The following POM121 variants were observed in gnomAD, a reference collection of about 807,000 sequenced individuals.
The protein encoded by POM121 is POM121 transmembrane nucleoporin, also known as nuclear envelope pore membrane protein POM 121.
Under a neutral mutation model 81.3 loss-of-function variants are expected in POM121, and 32 were observed. That is an observed-to-expected ratio of 0.39 (90% CI 0.30 to 0.53). The LOEUF is 0.53. Ranked by LOEUF, POM121 falls within the 20% of genes least tolerant of loss-of-function variation. The pLI, the probability that POM121 is intolerant of heterozygous loss-of-function variation, is 0.66. For missense variants in POM121, 1,138 were observed against 1,614.6 expected, an observed-to-expected ratio of 0.70 and a Z score of 5.06; for synonymous variants, 514 against 694.2, an observed-to-expected ratio of 0.74 and a Z score of 4.08.
At chr7:72,903,163 T>C (rs1330720541) in intron 3 of POM121, among the ~76,000 whole-genome samples, 2 of 152,068 alleles carry the variant, frequency 1.3e-5, no homozygotes, top group African/African-American at 4.8e-5. Context: ...AGGCCAGGCA[T>C]AGTGCCTCAC....
At chr7:72,915,726 G>T (rs2129576693) in intron 4 of POM121, among the ~76,000 whole-genome samples, 1 of 152,260 alleles carries the variant, frequency 6.6e-6, no homozygotes, top group South Asian at 2.1e-4. Context: ...AGGCTGGAGT[G>T]CAGTGGCGTG....
chr7:72,903,758 G>A (rs1554493031), intron 3 of POM121, among the ~76,000 whole-genome samples: 1 of 152,176 alleles, frequency 6.6e-6, no homozygotes, highest in African/African-American at 2.4e-5. Context: ...GTCCTTCAGG[G>A]CTTAGCCAGT....
intron 1 of POM121, among the ~76,000 whole-genome samples, chr7:72,887,049 A>T (rs1455534230): frequency 4.6e-5 from 7 of 151,504 alleles, no homozygotes; most frequent in Non-Finnish European, 5.9e-5. Context: ...CCCACAACAC[A>T]CTGTTGCTCT....
At chr7:72,883,894 C>T (rs1174694319) in intron 1 of POM121, among the ~76,000 whole-genome samples, 4 of 152,044 alleles carry the variant, frequency 2.6e-5, no homozygotes, top group Non-Finnish European at 5.9e-5. Flanking sequence ...ACCATTTCTT[C>T]TTTATTTACT....
In POM121 at chr7:72,928,450, C is replaced by A. The variant is rs782647177; in HGVS notation, c.1088C>A (p.Ala363Asp). The A allele has an allele frequency of 1.7e-5, 28 of 1,614,094 alleles. No homozygotes were observed. The Admixed American group carries it at 4.7e-4, about 27-fold the overall frequency. ...FEPLVANGVPASFVPKPGSLK... is the reference protein window; with the variant it reads ...FEPLVANGVPDSFVPKPGSLK... ...CCCCTGGTGGCCAATGGAGTCCCCG[C>A]TTCTTTTGTGCCTAAGTAAGTGGGA... The change falls in exon 4 of 13, where the codon GCT becomes GAT. Residue 363 changes from alanine to aspartate, a missense_variant. By Grantham distance (126) the Ala-to-Asp change is moderately radical (BLOSUM62 -2). Transcript: ENST00000434423.
intron 3 of POM121, among the ~76,000 whole-genome samples, chr7:72,910,262 T>G (rs1485255421): frequency 6.6e-6 from 1 of 152,236 alleles, no homozygotes; most frequent in African/African-American, 2.4e-5. Flanking sequence ...CTTTACTGCT[T>G]TAAAGCTTTT....
At chr7:72,935,452 G>A (rs1796420752) in intron 5 of POM121, among the ~76,000 whole-genome samples, 1 of 152,228 alleles carries the variant, frequency 6.6e-6, no homozygotes, top group Non-Finnish European at 1.5e-5. Flanking sequence ...TGGGATTGTA[G>A]GCGTGAGCCA....
At chr7:72,931,475 T>A (rs1175237557) in intron 5 of POM121, among the ~76,000 whole-genome samples, 2 of 152,180 alleles carry the variant, frequency 1.3e-5, no homozygotes, top group African/African-American at 4.8e-5. Context: ...AAATTTATGA[T>A]AGTAGGATTT....
chr7:72,924,990 G>A (rs1325269223), upstream of POM121: 1 of 1,317,996 alleles, frequency 7.6e-7, no homozygotes, highest in Non-Finnish European at 9.6e-7. Flanking sequence ...CAAACCAGTT[G>A]GGTCTCGGGC....
intron 1 of POM121, among the ~76,000 whole-genome samples, chr7:72,884,700 C>T (rs1197304499): frequency 6.7e-6 from 1 of 149,562 alleles, no homozygotes; most frequent in African/African-American, 2.4e-5. Flanking sequence ...ATACTTCATT[C>T]TTAACATTTT....
At chr7:72,882,487 A>G (rs1178453146) in intron 1 of POM121, among the ~76,000 whole-genome samples, 1 of 152,212 alleles carries the variant, frequency 6.6e-6, no homozygotes, top group Admixed American at 6.6e-5. Context: ...AAGTTGGTAT[A>G]ATTGTGGATA....
intron 1 of POM121, among the ~76,000 whole-genome samples, chr7:72,887,568 A>G (rs1790848161): frequency 3.9e-5 from 6 of 152,196 alleles, no homozygotes; most frequent in Admixed American, 3.9e-4. Context: ...TTATACCTGT[A>G]ATCACAGCAA....
At chr7:72,931,872 A>G (rs1456006755) in intron 5 of POM121, among the ~76,000 whole-genome samples, 3 of 152,180 alleles carry the variant, frequency 2.0e-5, no homozygotes, top group East Asian at 1.9e-4. Flanking sequence ...CGCCTGGCCC[A>G]TGCAATTTCA....
intron 1 of POM121, among the ~76,000 whole-genome samples, chr7:72,887,735 A>G (rs1160781221): frequency 6.6e-6 from 1 of 152,154 alleles, no homozygotes; most frequent in East Asian, 1.9e-4. Flanking sequence ...GCTGAGGCAG[A>G]AGAATTGCTG....
At chr7:72,935,120 T>G (rs1243501326) in intron 5 of POM121, among the ~76,000 whole-genome samples, 1 of 152,056 alleles carries the variant, frequency 6.6e-6, no homozygotes, top group Non-Finnish European at 1.5e-5. Context: ...ATTAACATTG[T>G]TACAATATTG....
At chr7:72,920,547 G>C (rs1481439150), upstream of POM121, among the ~76,000 whole-genome samples, 2 of 151,798 alleles carry the variant, frequency 1.3e-5, no homozygotes, top group Non-Finnish European at 2.9e-5. Context: ...GTAGAGACGG[G>C]GTTTCACCAT....
At chr7:72,941,436 C>A (rs1456432405) in intron 10 of POM121, among the ~76,000 whole-genome samples, 1 of 148,754 alleles carries the variant, frequency 6.7e-6, no homozygotes, top group Admixed American at 6.7e-5. Context: ...CTTTATCAGA[C>A]GGTAACCTGG....
At chr7:72,887,742 G>T (rs1476283648) in intron 1 of POM121, among the ~76,000 whole-genome samples, 1 of 152,172 alleles carries the variant, frequency 6.6e-6, no homozygotes, top group African/African-American at 2.4e-5. Flanking sequence ...CAGAAGAATT[G>T]CTGGATCCCG....
rs1797742576 is a variant in POM121, at chr7:72,947,025, T to G, written c.*791T>G. On this transcript the variant is annotated 3_prime_UTR_variant, in exon 13 of 13. Transcript: ENST00000434423. The stretch of plus-strand genomic sequence containing the variant: ...AGCTGCCTCCTCGCCCAGCTACCCT[T>G]TGGCCCCATTGGGCCCTCGTCTGCC... 1.1e-6 allele frequency: 1 copy of G among 904,978 alleles called. No individual in the cohort carries two copies. Among genetic ancestry groups the G allele is most frequent in the African/African-American group, 2.1e-5 (1 of 47,336 alleles). The allele number at this position is 904,978 out of a possible 1,614,324, so 56.1% of individuals were successfully genotyped here.
Sources: gnomAD v4.1 joint callset for allele counts (sites outside exome capture counted in the v4.1 genomes callset) on GRCh38, gnomAD v4.1.1 for gene constraint, MANE v1.5 for transcripts, NCBI Gene and HGNC (gene_info 2026-07-23, HGNC 2026-07-21) for gene names.